CALD1: variants seen among roughly 807,000 people sequenced by gnomAD.
CALD1 encodes caldesmon.
In CALD1, 33 loss-of-function variants were observed where a neutral mutation model predicts 99.9. That is an observed-to-expected ratio of 0.33 (90% confidence interval 0.25 to 0.44). The LOEUF is 0.44. Among genes scored for constraint, CALD1 ranks in the 20% least tolerant of loss-of-function variants. The pLI, the probability that CALD1 is intolerant of heterozygous loss-of-function variation, is 1.00. For missense variants in CALD1, 861 were observed against 962.1 expected, an observed-to-expected ratio of 0.89 and a Z score of 1.39; for synonymous variants, 310 against 325.0, an observed-to-expected ratio of 0.95 and a Z score of 0.50.
At chr7:134,841,933 G>A (rs544464893) in intron 1 of CALD1, among the ~76,000 whole-genome samples, 1 of 152,156 alleles carries the variant, frequency 6.6e-6, no homozygotes, top group Admixed American at 6.5e-5. Context: ...CTTTACATGG[G>A]GGGGCTTCTT....
chr7:134,788,002 C>A (rs957166171), intron 1 of CALD1, among the ~76,000 whole-genome samples: 2 of 152,150 alleles, frequency 1.3e-5, no homozygotes, highest in African/African-American at 4.8e-5. Flanking sequence ...TGGACTCAGT[C>A]TCCTTCATCT....
At chr7:134,744,756 C>A (rs537094903) in intron 1 of CALD1, among the ~76,000 whole-genome samples, 2 of 152,234 alleles carry the variant, frequency 1.3e-5, no homozygotes, top group South Asian at 2.1e-4. Context: ...TAGCTACACC[C>A]TTTGTTTCTG....
Position 134,783,209 on chromosome 7 carries a change from C to T in CALD1, c.-130+3460C>T, listed in dbSNP as rs1314547664. On this transcript the variant is annotated intron_variant, in intron 1 of 14. Transcript: ENST00000361675. This position sits in a 1 kb window ranked among gnomAD's most constrained non-coding sequence, Gnocchi z 4.3. Reference sequence around the variant, plus strand: ...ATTGAAACCAGACTGCTCCACGGAGCTCGCCTCTCACCTCTTTGCTTCTGT... The same window carrying T: ...ATTGAAACCAGACTGCTCCACGGAGTTCGCCTCTCACCTCTTTGCTTCTGT... Among the ~76,000 whole-genome samples the T allele has an allele frequency of 1.3e-5, 2 of 152,200 alleles. No homozygotes were observed. Among genetic ancestry groups the T allele is most frequent in the Non-Finnish European group, 2.9e-5 (2 of 68,032 alleles).
At chr7:134,891,042 G>A (rs1802136752) in intron 3 of CALD1, among the ~76,000 whole-genome samples, 1 of 152,192 alleles carries the variant, frequency 6.6e-6, no homozygotes, top group Non-Finnish European at 1.5e-5. Flanking sequence ...CTCAGAATGG[G>A]AGCCTGAGAA....
At chr7:134,935,891 C>G in intron 6 of CALD1, 126 bp downstream of exon 6, 1 of 858,776 alleles carries the variant, frequency 1.2e-6, no homozygotes, top group Non-Finnish European at 1.8e-6. Flanking sequence ...CCATGACTCA[C>G]AGTCCACTGA....
At chr7:134,722,448 T>C in the CALD1 span, among the ~76,000 whole-genome samples, 1 of 151,714 alleles carries the variant, frequency 6.6e-6, no homozygotes, top group Non-Finnish European at 1.5e-5. Context: ...TGAGATGGAA[T>C]CTTCCTCTGT....
intron 1 of CALD1, among the ~76,000 whole-genome samples, chr7:134,831,331 T>G (rs1799211354): frequency 6.6e-6 from 1 of 152,158 alleles, no homozygotes; most frequent in Non-Finnish European, 1.5e-5. Flanking sequence ...TTTCTTTCTT[T>G]TTTTTTGAGA....
intron 1 of CALD1, among the ~76,000 whole-genome samples, chr7:134,818,209 T>C (rs1798631778): frequency 6.6e-6 from 1 of 152,170 alleles, no homozygotes; most frequent in Non-Finnish European, 1.5e-5. Context: ...ATTCTATGAG[T>C]AATAAATTTA....
chr7:134,754,049 C>T (rs532470807), intron 1 of CALD1, among the ~76,000 whole-genome samples: 12 of 152,286 alleles, frequency 7.9e-5, no homozygotes, highest in East Asian at 3.9e-4. Context: ...TTGTTTAACA[C>T]GTAACTTCTG....
At chr7:134,818,437 C>T (rs1798641034) in intron 1 of CALD1, among the ~76,000 whole-genome samples, 1 of 152,136 alleles carries the variant, frequency 6.6e-6, no homozygotes, top group Non-Finnish European at 1.5e-5. Flanking sequence ...CTACTTAAAG[C>T]ATAGATGCAT....
intron 1 of CALD1, among the ~76,000 whole-genome samples, chr7:134,790,082 G>GGAGAGAGAGAGAGAGAGA (rs56962467): frequency 7.0e-6 from 1 of 142,208 alleles, no homozygotes; most frequent in African/African-American, 2.6e-5. Context: ...AAAGAAATAA[G>GGAGAGAGAGAGAGAGAGA]GAGAGAGAGA....
chr7:134,770,852 C>A (rs1053090633), intron 1 of CALD1, among the ~76,000 whole-genome samples: 1 of 152,150 alleles, frequency 6.6e-6, no homozygotes, highest in African/African-American at 2.4e-5. Context: ...GACAGGCACG[C>A]CGTCACCTCT....
At chr7:134,909,300 T>C (rs1310478040) in intron 3 of CALD1, among the ~76,000 whole-genome samples, 1 of 152,224 alleles carries the variant, frequency 6.6e-6, no homozygotes. Context: ...TGAAAGAATT[T>C]TGGATTAATC....
At chr7:134,945,887 T>C (rs1806823403) in intron 7 of CALD1, among the ~76,000 whole-genome samples, 1 of 152,208 alleles carries the variant, frequency 6.6e-6, no homozygotes, top group South Asian at 2.1e-4. Flanking sequence ...CAATGGGTAA[T>C]TTCGTCTGCC....
At chr7:134,953,669 G>T (rs4732071) in intron 9 of CALD1, among the ~76,000 whole-genome samples, 32,465 of 80,578 alleles carry the variant, frequency 0.4, 5,004 homozygotes, top group Admixed American at 0.49. Context: ...TTTTTTTTTT[G>T]TTTTTTTTTT....
intron 1 of CALD1, among the ~76,000 whole-genome samples, chr7:134,814,290 T>C (rs1426441939): frequency 6.6e-6 from 1 of 151,900 alleles, no homozygotes; most frequent in Non-Finnish European, 1.5e-5. Context: ...AGATACAGGG[T>C]CTTGGCTAAT....
At chr7:134,734,809 T>C in the CALD1 span, 14 of 153,402 alleles carry the variant, frequency 9.1e-5, no homozygotes, top group Admixed American at 9.1e-4. Context: ...GTGAGTCCAT[T>C]AAACCTCTTT....
intron 1 of CALD1, among the ~76,000 whole-genome samples, chr7:134,809,940 G>A (rs1798292748): frequency 6.6e-6 from 1 of 152,134 alleles, no homozygotes; most frequent in African/African-American, 2.4e-5. Flanking sequence ...ACACCCTTGA[G>A]TTTAAGGGTT....
chr7:134,842,926 C>G (rs577736289), intron 1 of CALD1, among the ~76,000 whole-genome samples: 4 of 152,198 alleles, frequency 2.6e-5, no homozygotes, highest in Admixed American at 2.6e-4. Context: ...TTTATTACAC[C>G]TTGGTTCTCC....
Sources: gnomAD v4.1 joint callset for allele counts (sites outside exome capture counted in the v4.1 genomes callset) on GRCh38, gnomAD v4.1.1 for gene constraint, Gnocchi (gnomAD v3.1) non-coding constraint, MANE v1.5 for transcripts, NCBI Gene and HGNC (gene_info 2026-07-23, HGNC 2026-07-21) for gene names.